RPP30: variants seen among roughly 807,000 people sequenced by gnomAD.
RPP30 encodes ribonuclease P protein subunit p30.
A neutral mutation model predicts 38.6 loss-of-function variants in RPP30; 36 were observed. The ratio of observed to expected loss-of-function variants is 0.93; its 90% CI spans 0.71 to 1.23. RPP30 has a LOEUF of 1.23. Among genes scored for constraint, RPP30 ranks in the 50% most tolerant of loss-of-function variants. The pLI is 0.00. For synonymous variants in RPP30, 126 were observed against 112.7 expected, an observed-to-expected ratio of 1.12 and a Z score of -0.75; for missense variants, 321 against 321.7, an observed-to-expected ratio of 1.00 and a Z score of 0.02.
chr10:90,878,538 C>G (rs1564710835), intron 4 of RPP30, among the ~76,000 whole-genome samples: 2 of 151,444 alleles, frequency 1.3e-5, no homozygotes, highest in African/African-American at 4.9e-5. Context: ...GTTGTCCAGG[C>G]TTGAGTGCAG....
chr10:90,872,555 C>T (rs1846794638), intron 1 of RPP30, among the ~76,000 whole-genome samples: 2 of 152,014 alleles, frequency 1.3e-5, no homozygotes, highest in Admixed American at 6.5e-5. Context: ...GGGCAGAGGA[C>T]ATACACAGCG....
At chr10:90,876,895 A>G (rs548078556) in intron 4 of RPP30, among the ~76,000 whole-genome samples, 23 of 152,220 alleles carry the variant, frequency 1.5e-4, no homozygotes, top group African/African-American at 5.5e-4. Context: ...TGGGTGTAGG[A>G]TGATTACTCC....
Position 90,900,625 on chromosome 10 carries a change from A to G in RPP30, c.753A>G (p.Ser251=). The change falls in exon 11 of 11, where the codon TCA becomes TCG. Residue 251 remains serine (S), a synonymous_variant. Coordinates refer to ENST00000371703, the MANE Select transcript of RPP30 (RefSeq NM_006413.5). ...IISTVKKPRP[S]EGDEDCLPAS... is the part of the protein sequence containing the mutation. ...CTACAGTGAAGAAACCTCGGCCATC[A>G]GAAGGAGATGAAGATTGTCTTCCAG... 1 of 1,613,808 alleles carries G rather than the reference A, an allele frequency of 6.2e-7. No individual in the cohort carries two copies. Among genetic ancestry groups the G allele is most frequent in the East Asian group, 2.2e-5 (1 of 44,872 alleles).
chr10:90,876,064 T>G lies in RPP30; in HGVS notation c.236T>G (p.Ile79Ser), dbSNP rs1846847864. 2 of 1,582,214 alleles carry G rather than the reference T, an allele frequency of 1.3e-6. No homozygotes were observed. The highest frequency in any genetic ancestry group is 2.2e-5 in the South Asian group (2 of 90,214). Reference protein sequence around the residue: ...RPIKILTRLTIIVSDPSHCNV... With the variant: ...RPIKILTRLTSIVSDPSHCNV... ...ATTAAAATTTTAACTAGATTAACAA[T>G]TATTGTCTCGGATCCATCTCACTGC... is the stretch of plus-strand genomic sequence containing the variant. Residue 79 changes from isoleucine to serine, a missense_variant, in exon 4 of 11, where the codon ATT becomes AGT. Transcript: ENST00000371703.
chr10:90,890,511 T>G (rs946766563), intron 6 of RPP30, among the ~76,000 whole-genome samples: 1 of 152,212 alleles, frequency 6.6e-6, no homozygotes. Context: ...TGAGAGATGT[T>G]TAGTAAGTAG....
chr10:90,873,194 T>C (rs1422316322), intron 1 of RPP30, among the ~76,000 whole-genome samples: 2 of 152,218 alleles, frequency 1.3e-5, no homozygotes, highest in African/African-American at 4.8e-5. Flanking sequence ...ACTCAGTTAA[T>C]GCTTGTGGAA....
intron 6 of RPP30, among the ~76,000 whole-genome samples, chr10:90,887,726 G>C (rs1847020130): frequency 6.6e-6 from 1 of 152,164 alleles, no homozygotes; most frequent in Non-Finnish European, 1.5e-5. Context: ...AACAATATTG[G>C]CTGAGCTCAA....
intron 5 of RPP30, chr10:90,879,919 A>C (rs1049113007): frequency 1.3e-5 from 2 of 152,220 alleles, no homozygotes; most frequent in Admixed American, 1.3e-4. Context: ...ATCCGCCAAA[A>C]GTATAAAATG....
chr10:90,871,992 G>A lies in RPP30; in HGVS notation c.6G>A (p.Ala2=). 1.2e-6 allele frequency: 2 copies of A among 1,613,972 alleles called. No homozygotes were observed. Among genetic ancestry groups the A allele is most frequent in the South Asian group, 1.1e-5 (1 of 91,074 alleles). M[A]VFADLDLRAG... is the part of the protein sequence containing the mutation. The stretch of plus-strand genomic sequence containing the variant: ...GACGGTCATGGGACTTCAGCATGGC[G>A]GTGTTTGCAGATTTGGACCTGCGAG... Residue 2 remains alanine (A), a synonymous_variant, in exon 1 of 11, where the codon GCG becomes GCA. Transcript: ENST00000371703.
chr10:90,878,598 C>T (rs944038254), intron 4 of RPP30, among the ~76,000 whole-genome samples: 4 of 151,852 alleles, frequency 2.6e-5, no homozygotes, highest in Admixed American at 1.3e-4. Context: ...CTCAAGAGAC[C>T]CTTCTGCTTC....
chr10:90,892,497 C>T (rs1394232199), intron 6 of RPP30, among the ~76,000 whole-genome samples: 1 of 151,584 alleles, frequency 6.6e-6, no homozygotes, highest in Non-Finnish European at 1.5e-5. Flanking sequence ...TTTTTCTCCC[C>T]TCCCCCCGCA....
At position 90,885,874 on chromosome 10, in the gene RPP30, TTACTTCAAAAG is replaced by T; in HGVS notation, c.406_416del (p.Tyr136ThrfsTer4). The T allele has an allele frequency of 6.2e-7, 1 of 1,608,964 alleles. No homozygotes were observed. Among genetic ancestry groups the T allele is most frequent in the Non-Finnish European group, 8.5e-7 (1 of 1,176,806 alleles). On this transcript the variant is annotated frameshift_variant, in exon 6 of 11. Coordinates refer to ENST00000371703, the MANE Select transcript of RPP30 (RefSeq NM_006413.5). LOFTEE classifies it high-confidence loss of function. ...TAACTGTAACAGAGAAACTACCATT[TTACTTCAAAAG>T]ACCTCCTATTAATGTGGTAAGTGTA...
rs2120242143 is a variant in RPP30 at position 90,902,158 on chromosome 10, A to C, written c.*1479A>C. ...ACCTCACCAATGAATACAAATGTTT[A>C]AATAAAATATTGATTAAAAAAACAT... On this transcript the variant is annotated 3_prime_UTR_variant, in exon 11 of 11. Coordinates refer to ENST00000371703, the MANE Select transcript of RPP30 (RefSeq NM_006413.5). The C allele has an allele frequency of 1.0e-6, 1 of 957,046 alleles. No individual in the cohort carries two copies. The highest frequency in any genetic ancestry group is 6.0e-5 in the Admixed American group (1 of 16,538). 59.3% of individuals were successfully genotyped at this position (957,046 alleles called of 1,614,324 possible). A position where few individuals can be genotyped will look rare whatever the true frequency, so the allele number is the denominator to read the frequency against.
At chr10:90,892,444 C>T (rs1261991875) in intron 6 of RPP30, among the ~76,000 whole-genome samples, 1 of 152,096 alleles carries the variant, frequency 6.6e-6, no homozygotes, top group African/African-American at 2.4e-5. Context: ...AGATGAAAAT[C>T]AGAACTTTTT....
intron 6 of RPP30, among the ~76,000 whole-genome samples, chr10:90,893,790 G>T (rs925956487): frequency 6.6e-6 from 1 of 152,150 alleles, no homozygotes; most frequent in Non-Finnish European, 1.5e-5. Context: ...GTATTTTTGT[G>T]TGGTTATTGA....
At position 90,875,502 on chromosome 10, in the gene RPP30, A is replaced by T; in HGVS notation, c.139-56A>T. On this transcript the variant is annotated intron_variant, in intron 2 of 10. Coordinates refer to ENST00000371703, the MANE Select transcript of RPP30 (RefSeq NM_006413.5). ...GAGAACACCTCGTAATTTTTCCATTATGCCTTGTGCTATTAATGGATACAA... is the reference window on the plus strand; with the variant it reads ...GAGAACACCTCGTAATTTTTCCATTTTGCCTTGTGCTATTAATGGATACAA... 3 of 1,373,614 alleles carry T rather than the reference A, an allele frequency of 2.2e-6. No individual in the cohort carries two copies. The South Asian group carries it at 3.7e-5, about 17-fold the overall frequency. The allele number at this position is 1,373,614 out of a possible 1,614,324, so 85.1% of individuals were successfully genotyped here. A position where few individuals can be genotyped will look rare whatever the true frequency, so the allele number is the denominator to read the frequency against.
In RPP30 at chr10:90,901,094, C is replaced by A; in HGVS notation, c.*415C>A. 2.9e-6 allele frequency: 1 copy of A among 342,412 alleles called. No individual in the cohort carries two copies. The highest frequency in any genetic ancestry group is 4.1e-6 in the Non-Finnish European group (1 of 242,750). The allele number at this position is 342,412 out of a possible 1,614,324, so 21.2% of individuals were successfully genotyped here. A position where few individuals can be genotyped will look rare whatever the true frequency, so the allele number is the denominator to read the frequency against. On this transcript the variant is annotated 3_prime_UTR_variant, in exon 11 of 11. Transcript: ENST00000371703. ...GGCTCAAGTGATCCTCCCGCTTCAG[C>A]CTCTCAAGCAGCGGGAACTACAGGT...
downstream of RPP30, among the ~76,000 whole-genome samples, chr10:90,903,852 G>A (rs563764747): frequency 2.6e-5 from 4 of 152,250 alleles, no homozygotes; most frequent in Admixed American, 2.6e-4. Context: ...AATGTGTAGG[G>A]CCTCTATAAA....
chr10:90,895,016 TG>T lies in RPP30; in HGVS notation c.549+126del. On this transcript the variant is annotated intron_variant, in intron 7 of 10. Transcript: ENST00000371703. Reference sequence around the variant, plus strand: ...GTTCTCATAGCATAGGAACAAATTCTGCCATTTCAGTGAGCTCTGCAAATTT... The same window carrying T: ...GTTCTCATAGCATAGGAACAAATTCTCCATTTCAGTGAGCTCTGCAAATTT... The T allele has an allele frequency of 8.9e-6, 7 of 789,838 alleles. No individual in the cohort carries two copies. The South Asian group carries it at 9.6e-5, about 11-fold the overall frequency. 48.9% of individuals were successfully genotyped at this position (789,838 alleles called of 1,614,324 possible).
Sources: allele counts gnomAD v4.1 joint callset (sites outside exome capture counted in the v4.1 genomes callset), GRCh38; gene constraint gnomAD v4.1.1; transcripts MANE v1.5; gene names NCBI Gene and HGNC (gene_info 2026-07-23, HGNC 2026-07-21).